KHDRBS2: variants seen among roughly 807,000 people sequenced by gnomAD.
KHDRBS2 encodes the protein KH domain-containing, RNA-binding, signal transduction-associated protein 2.
Under a neutral mutation model 44.3 loss-of-function variants are expected in KHDRBS2, and 26 were observed. That is an observed-to-expected ratio of 0.59 (90% CI 0.43 to 0.81). The LOEUF (loss-of-function observed/expected upper bound fraction) is 0.81, where lower values mean the gene tolerates loss of function less well. Ranked by LOEUF, KHDRBS2 falls within the 40% of genes least tolerant of loss-of-function variation. KHDRBS2 has a pLI of 0.00. For synonymous variants in KHDRBS2, 194 were observed against 151.1 expected, an observed-to-expected ratio of 1.28 and a Z score of -2.08; for missense variants, 476 against 433.1, an observed-to-expected ratio of 1.10 and a Z score of -0.88.
chr6:61,583,391 A>G, the KHDRBS2 span, among the ~76,000 whole-genome samples: 1 of 151,752 alleles, frequency 6.6e-6, no homozygotes, highest in Admixed American at 6.6e-5. Flanking sequence ...GACCTCTAGG[A>G]TGTTTACAGT....
At chr6:61,963,932 AAGG>A (rs1264791239) in intron 4 of KHDRBS2, among the ~76,000 whole-genome samples, 1 of 152,052 alleles carries the variant, frequency 6.6e-6, no homozygotes, top group Non-Finnish European at 1.5e-5. Context: ...CTAAAGTTTA[AAGG>A]AGCTTTTCCA....
At chr6:61,583,221 G>C in the KHDRBS2 span, among the ~76,000 whole-genome samples, 2 of 151,868 alleles carry the variant, frequency 1.3e-5, no homozygotes, top group South Asian at 4.1e-4. Context: ...GAATTTCACT[G>C]AGCCAAACAG....
chr6:61,562,230 T>A, the KHDRBS2 span, among the ~76,000 whole-genome samples: 1 of 152,172 alleles, frequency 6.6e-6, no homozygotes, highest in East Asian at 1.9e-4. Flanking sequence ...CCTAACTTCA[T>A]GCAAGATCAG....
intron 7 of KHDRBS2, among the ~76,000 whole-genome samples, chr6:61,718,122 A>C (rs1035494320): frequency 4.1e-4 from 62 of 152,082 alleles, no homozygotes; most frequent in African/African-American, 1.4e-3. Context: ...ACCTCCCAAC[A>C]CTTAGCGTAG....
chr6:61,973,532 C>T (rs900877476), intron 4 of KHDRBS2, among the ~76,000 whole-genome samples: 2 of 152,096 alleles, frequency 1.3e-5, no homozygotes, highest in Non-Finnish European at 2.9e-5. Flanking sequence ...AGATAATACA[C>T]CCTAATTCCC....
chr6:61,622,735 C>T, the KHDRBS2 span, among the ~76,000 whole-genome samples: 1 of 151,956 alleles, frequency 6.6e-6, no homozygotes. Flanking sequence ...GACCCGAAAA[C>T]CAAACAGAGG....
At chr6:61,982,468 G>A (rs1396289075) in intron 3 of KHDRBS2, among the ~76,000 whole-genome samples, 2 of 151,748 alleles carry the variant, frequency 1.3e-5, no homozygotes, top group East Asian at 1.9e-4. Context: ...TCAGGAGATC[G>A]AGACCATCCT....
intron 7 of KHDRBS2, among the ~76,000 whole-genome samples, chr6:61,728,840 T>C (rs1468882297): frequency 6.6e-6 from 1 of 152,174 alleles, no homozygotes; most frequent in Non-Finnish European, 1.5e-5. Context: ...TATTTTCTTT[T>C]TAAAAAAACT....
chr6:62,045,977 A>G (rs1787599947), intron 3 of KHDRBS2, among the ~76,000 whole-genome samples: 1 of 150,826 alleles, frequency 6.6e-6, no homozygotes, highest in Non-Finnish European at 1.5e-5. Context: ...AAAAAGAAAG[A>G]AAAAAAGGCC....
At chr6:62,009,807 G>T (rs2127268037) in intron 3 of KHDRBS2, among the ~76,000 whole-genome samples, 1 of 152,344 alleles carries the variant, frequency 6.6e-6, no homozygotes, top group African/African-American at 2.4e-5. Flanking sequence ...CAAGGAATGA[G>T]ATTTGGAAAC....
At chr6:62,229,201 G>C (rs1832460531) in intron 1 of KHDRBS2, among the ~76,000 whole-genome samples, 1 of 152,122 alleles carries the variant, frequency 6.6e-6, no homozygotes, top group African/African-American at 2.4e-5. Context: ...TAAGCCCCTG[G>C]ATGGAGTTGT....
At chr6:62,010,837 T>G (rs190366377) in intron 3 of KHDRBS2, among the ~76,000 whole-genome samples, 2 of 152,280 alleles carry the variant, frequency 1.3e-5, no homozygotes, top group East Asian at 3.9e-4. Flanking sequence ...ATTACCCAAT[T>G]CCTATCCAAA....
chr6:61,816,494 G>C (rs1038313120), intron 6 of KHDRBS2: 1 of 291,354 alleles, frequency 3.4e-6, no homozygotes, highest in Non-Finnish European at 6.9e-6. Flanking sequence ...GTAGAAGTCA[G>C]GGAGAGGCAA....
chr6:61,695,832 T>G (rs1171332857), intron 8 of KHDRBS2, among the ~76,000 whole-genome samples: 1 of 152,150 alleles, frequency 6.6e-6, no homozygotes, highest in Non-Finnish European at 1.5e-5. Context: ...AAGATACTCT[T>G]CTTCCTTTCC....
At chr6:62,257,033 T>C (rs1481891742) in intron 1 of KHDRBS2, among the ~76,000 whole-genome samples, 1 of 152,088 alleles carries the variant, frequency 6.6e-6, no homozygotes, top group Non-Finnish European at 1.5e-5. Flanking sequence ...ATCCTCAAAC[T>C]GCTAAACATA....
At chr6:61,691,604 A>G (rs1767396103) in intron 8 of KHDRBS2, among the ~76,000 whole-genome samples, 1 of 152,090 alleles carries the variant, frequency 6.6e-6, no homozygotes, top group African/African-American at 2.4e-5. Context: ...TGACTGATAA[A>G]TTATTGCCAA....
At chr6:61,955,350 A>C (rs1409765516) in intron 4 of KHDRBS2, among the ~76,000 whole-genome samples, 7 of 115,066 alleles carry the variant, frequency 6.1e-5, no homozygotes, top group Admixed American at 3.3e-4. Context: ...GTATGTATAC[A>C]TATATATGTA....
chr6:62,101,626 C>T (rs560877914), intron 2 of KHDRBS2, among the ~76,000 whole-genome samples: 2 of 152,156 alleles, frequency 1.3e-5, no homozygotes, highest in East Asian at 1.9e-4. Context: ...GCTGGATATA[C>T]TGAGTGATGG....
chr6:61,552,944 C>G, the KHDRBS2 span, among the ~76,000 whole-genome samples: 1 of 151,880 alleles, frequency 6.6e-6, no homozygotes, highest in Non-Finnish European at 1.5e-5. Flanking sequence ...ATCAAGGGTA[C>G]TGGCCTGACC....
Sources: gnomAD v4.1 joint callset for allele counts (sites outside exome capture counted in the v4.1 genomes callset) on GRCh38, gnomAD v4.1.1 for gene constraint, MANE v1.5 for transcripts, NCBI Gene and HGNC (gene_info 2026-07-23, HGNC 2026-07-21) for gene names.